The following TASP1 variants were observed in gnomAD, a reference collection of about 807,000 sequenced individuals.
TASP1 encodes the protein threonine aspartase 1.
A neutral mutation model predicts 56.6 loss-of-function variants in TASP1; 16 were observed. The observed-to-expected ratio is 0.28, with a 90% CI of 0.19 to 0.43. The LOEUF (loss-of-function observed/expected upper bound fraction) is 0.43. TASP1 is among the 20% of genes least tolerant of loss of function. The pLI is 1.00. For synonymous variants in TASP1, 179 were observed against 184.2 expected (o/e 0.97, Z 0.23); for missense variants, 393 against 511.6 (o/e 0.77, Z 2.24).
intron 10 of TASP1, among the ~76,000 whole-genome samples, chr20:13,511,789 C>T (rs886666253): frequency 3.6e-5 from 5 of 138,138 alleles, no homozygotes; most frequent in Non-Finnish European, 7.7e-5. Flanking sequence ...CAGTGTGTGA[C>T]GTTTCCCTTC....
chr20:13,399,106 C>A (rs1276661018), intron 13 of TASP1, among the ~76,000 whole-genome samples: 2 of 152,144 alleles, frequency 1.3e-5, no homozygotes, highest in African/African-American at 4.8e-5. Flanking sequence ...TTGAAACACC[C>A]TTTTCCCTTG....
chr20:13,584,685 G>T (rs960702982), intron 5 of TASP1, among the ~76,000 whole-genome samples: 2 of 152,072 alleles, frequency 1.3e-5, no homozygotes, highest in Non-Finnish European at 2.9e-5. Flanking sequence ...GGGCCATACA[G>T]CAAGTCTCTA....
At chr20:13,143,257 C>G in the TASP1 span, among the ~76,000 whole-genome samples, 1 of 152,134 alleles carries the variant, frequency 6.6e-6, no homozygotes, top group Non-Finnish European at 1.5e-5. Context: ...TTTTAGAGAG[C>G]AAATCCAAGT....
At chr20:13,449,475 G>A (rs759774893) in intron 11 of TASP1, among the ~76,000 whole-genome samples, 2 of 152,060 alleles carry the variant, frequency 1.3e-5, no homozygotes, top group Non-Finnish European at 2.9e-5. Context: ...CTTCTAGCAC[G>A]CTTTTAATTC....
chr20:13,416,606 C>G (rs2042263601), intron 13 of TASP1, among the ~76,000 whole-genome samples: 1 of 152,126 alleles, frequency 6.6e-6, no homozygotes, highest in Non-Finnish European at 1.5e-5. Context: ...AGAAGTTTTC[C>G]TATTTTATAT....
At chr20:13,342,263 A>AT in the TASP1 span, among the ~76,000 whole-genome samples, 1 of 152,202 alleles carries the variant, frequency 6.6e-6, no homozygotes, top group Admixed American at 6.5e-5. Context: ...CAGGGCGCAT[A>AT]TCGCAGGCCT....
At chr20:13,361,332 C>T in the TASP1 span, among the ~76,000 whole-genome samples, 1 of 152,188 alleles carries the variant, frequency 6.6e-6, no homozygotes, top group Non-Finnish European at 1.5e-5. Context: ...TTAGCCCTCC[C>T]ACCTCAATAC....
At chr20:13,530,520 A>C (rs1223651614) in intron 9 of TASP1, among the ~76,000 whole-genome samples, 1 of 152,174 alleles carries the variant, frequency 6.6e-6, no homozygotes. Context: ...AAATCAATGG[A>C]AGGACCCATT....
intron 2 of TASP1, among the ~76,000 whole-genome samples, chr20:13,626,775 A>G (rs2048907248): frequency 6.6e-6 from 1 of 152,208 alleles, no homozygotes; most frequent in South Asian, 2.1e-4. Context: ...AGAGGCCACA[A>G]TCTTTCAGCA....
At chr20:13,363,254 G>T in the TASP1 span, among the ~76,000 whole-genome samples, 1,637 of 152,212 alleles carry the variant, frequency 0.011, 45 homozygotes, top group African/African-American at 0.037. Context: ...CTTTGGAGAA[G>T]AAAGAGAGGC....
chr20:13,292,398 C>G, the TASP1 span: 1 of 1,605,760 alleles, frequency 6.2e-7, no homozygotes, highest in South Asian at 1.1e-5. Context: ...TTTAGGACAG[C>G]TGCCACCGAA....
chr20:13,161,643 C>T, the TASP1 span, among the ~76,000 whole-genome samples: 2 of 152,040 alleles, frequency 1.3e-5, no homozygotes, highest in African/African-American at 2.4e-5. Flanking sequence ...CAAAATGCCC[C>T]TCAAAACTGC....
chr20:13,297,320 C>T, the TASP1 span, among the ~76,000 whole-genome samples: 3 of 152,180 alleles, frequency 2.0e-5, no homozygotes, highest in African/African-American at 4.8e-5. Flanking sequence ...GTTCTCTATG[C>T]GGTTTCCCAG....
the TASP1 span, among the ~76,000 whole-genome samples, chr20:13,331,532 G>A: frequency 1.3e-5 from 2 of 152,164 alleles, no homozygotes; most frequent in African/African-American, 4.8e-5. Flanking sequence ...ATAAAGAAAA[G>A]TCTCAGCTTT....
the TASP1 span, among the ~76,000 whole-genome samples, chr20:13,115,608 G>A: frequency 2.0e-5 from 3 of 152,112 alleles, no homozygotes; most frequent in Non-Finnish European, 4.4e-5. Flanking sequence ...CTGAGGACCT[G>A]CAGCCATTTA....
chr20:13,513,642 G>C (rs1383013304), intron 10 of TASP1, among the ~76,000 whole-genome samples: 1 of 152,068 alleles, frequency 6.6e-6, no homozygotes, highest in Non-Finnish European at 1.5e-5. Context: ...CGGTAGCTAG[G>C]ACTTTCTATT....
the TASP1 span, among the ~76,000 whole-genome samples, chr20:13,152,309 T>A: frequency 6.6e-6 from 1 of 152,352 alleles, no homozygotes; most frequent in Admixed American, 6.5e-5. Context: ...GGGTGAGCTA[T>A]AATTATTGTC....
chr20:13,579,100 C>T (rs995302132), intron 6 of TASP1, among the ~76,000 whole-genome samples: 2 of 152,176 alleles, frequency 1.3e-5, no homozygotes, highest in Admixed American at 6.5e-5. Context: ...GGGTACATAT[C>T]TTCTAAATTG....
the TASP1 span, among the ~76,000 whole-genome samples, chr20:13,225,010 TA>T: frequency 1.5e-5 from 2 of 129,114 alleles, no homozygotes; most frequent in African/African-American, 6.0e-5. Context: ...CACGCCCGGC[TA>T]ATTTTTTTTT....
Sources: allele counts gnomAD v4.1 joint callset (sites outside exome capture counted in the v4.1 genomes callset), GRCh38; gene constraint gnomAD v4.1.1; transcripts MANE v1.5; gene names NCBI Gene and HGNC (gene_info 2026-07-23, HGNC 2026-07-21).